QRICH1: variants seen among roughly 807,000 people sequenced by gnomAD.
QRICH1 encodes the protein glutamine rich 1.
QRICH1 carries 16 observed loss-of-function variants against 87.1 expected under a neutral mutation model. That is an observed-to-expected ratio of 0.18 (90% CI 0.12 to 0.28). The LOEUF is 0.28. Among genes scored for constraint, QRICH1 ranks in the 10% least tolerant of loss-of-function variants. The pLI, the probability that QRICH1 is intolerant of heterozygous loss-of-function variation, is 1.00. For missense variants in QRICH1, 647 were observed against 951.7 expected, an observed-to-expected ratio of 0.68 and a Z score of 4.21; for synonymous variants, 367 against 368.4, an observed-to-expected ratio of 1.00 and a Z score of 0.05.
chr3:49,064,129 C>A (rs1394283754), intron 2 of QRICH1, among the ~76,000 whole-genome samples: 1 of 151,674 alleles, frequency 6.6e-6, no homozygotes, highest in Non-Finnish European at 1.5e-5. Flanking sequence ...TGGAGTTTCT[C>A]CATGTTGGTC....
In QRICH1 at chr3:49,030,389, T is replaced by C. The variant is rs1442911252; in HGVS notation, c.*63A>G. 2 of 1,510,404 alleles carry C rather than the reference T, an allele frequency of 1.3e-6. No individual in the cohort carries two copies. The highest frequency in any genetic ancestry group is 1.4e-5 in the African/African-American group (1 of 71,260). The allele number at this position is 1,510,404 out of a possible 1,614,324, so 93.6% of individuals were successfully genotyped here. On this transcript the variant is annotated 3_prime_UTR_variant, in exon 10 of 10. Transcript: ENST00000395443. ...GAAAAAAAAAAATGGAGGCCTCTTC[T>C]TTAGTGTGAAAGTCTGTCTGGTTTT...
intron 2 of QRICH1, among the ~76,000 whole-genome samples, chr3:49,071,009 T>C (rs138698825): frequency 1.3e-5 from 2 of 151,962 alleles, no homozygotes; most frequent in African/African-American, 4.8e-5. Context: ...AGTTCAAGCA[T>C]TCATCAGTTT....
At chr3:49,083,080 C>T (rs2042094825) in intron 1 of QRICH1, among the ~76,000 whole-genome samples, 2 of 151,146 alleles carry the variant, frequency 1.3e-5, no homozygotes, top group African/African-American at 4.9e-5. Flanking sequence ...GTAGAGCATG[C>T]CTGTAATCCC....
intron 6 of QRICH1, among the ~76,000 whole-genome samples, chr3:49,034,028 G>A (rs989803204): frequency 6.7e-5 from 10 of 150,198 alleles, no homozygotes; most frequent in Middle Eastern, 3.2e-3. Context: ...CAAAAAAAAC[G>A]GCTATTGTCA....
chr3:49,051,582 G>GC (rs1491142511), intron 3 of QRICH1, among the ~76,000 whole-genome samples: 38 of 14,550 alleles, frequency 2.6e-3, no homozygotes, highest in African/African-American at 9.8e-3. Context: ...AACCCCCCCT[G>GC]CGCCCCCCCC....
chr3:49,047,044 C>A (rs747744164), intron 4 of QRICH1, 25 bp downstream of exon 4: 3 of 1,597,412 alleles, frequency 1.9e-6, no homozygotes, highest in Non-Finnish European at 2.6e-6. Context: ...TTAGACACAG[C>A]CCACTCTTCT....
At chr3:49,045,917 T>C (rs913339046) in intron 5 of QRICH1, among the ~76,000 whole-genome samples, 4 of 147,948 alleles carry the variant, frequency 2.7e-5, no homozygotes, top group Non-Finnish European at 4.5e-5. Flanking sequence ...TTTTCTTTTC[T>C]TTTTTTTTTA....
intron 5 of QRICH1, among the ~76,000 whole-genome samples, chr3:49,045,597 A>AC (rs1298947853): frequency 6.6e-6 from 1 of 150,392 alleles, no homozygotes; most frequent in Non-Finnish European, 1.5e-5. Context: ...CACCCAGCTA[A>AC]TTTTTTTTCT....
At chr3:49,043,353 A>C (rs956619031) in intron 6 of QRICH1, among the ~76,000 whole-genome samples, 1 of 151,324 alleles carries the variant, frequency 6.6e-6, no homozygotes, top group Admixed American at 6.6e-5. Flanking sequence ...AAAATTAGCC[A>C]GGCGTGGTGG....
chr3:49,062,038 T>C (rs1251006753), intron 2 of QRICH1, among the ~76,000 whole-genome samples: 1 of 151,986 alleles, frequency 6.6e-6, no homozygotes, highest in Non-Finnish European at 1.5e-5. Context: ...CTGGTGGGCA[T>C]GTTAAATTGG....
At chr3:49,086,618 T>A (rs1056960382) in intron 1 of QRICH1, among the ~76,000 whole-genome samples, 3 of 152,114 alleles carry the variant, frequency 2.0e-5, no homozygotes, top group Non-Finnish European at 4.4e-5. Context: ...ACATGAGTTA[T>A]TATTTTTATT....
chr3:49,031,782 A>G (rs965171798), intron 9 of QRICH1, among the ~76,000 whole-genome samples: 1 of 152,212 alleles, frequency 6.6e-6, no homozygotes, highest in African/African-American at 2.4e-5. Flanking sequence ...GTCTGCCATA[A>G]AAGAATTACT....
At chr3:49,059,474 C>A (rs2093422517) in intron 2 of QRICH1, among the ~76,000 whole-genome samples, 1 of 143,626 alleles carries the variant, frequency 7.0e-6, no homozygotes, top group South Asian at 2.3e-4. Context: ...GGCTGGAGTG[C>A]AGTAGTATGA....
Position 49,030,208 on chromosome 3 carries a change from T to C in QRICH1, c.*244A>G. 1 of 514,062 alleles carries C rather than the reference T, an allele frequency of 1.9e-6. No homozygotes were observed. The highest frequency in any genetic ancestry group is 3.4e-6 in the Non-Finnish European group (1 of 293,792). The allele number at this position is 514,062 out of a possible 1,614,324, so 31.8% of individuals were successfully genotyped here. On this transcript the variant is annotated 3_prime_UTR_variant, in exon 10 of 10. Transcript: ENST00000395443. ...AGACAAAAAAGAGTCAGCCAGCAAC[T>C]TTCTAGGACATATGACACTCAAGGA...
chr3:49,056,532 C>A (rs1357965404), intron 3 of QRICH1, among the ~76,000 whole-genome samples: 1 of 151,860 alleles, frequency 6.6e-6, no homozygotes, highest in African/African-American at 2.4e-5. Context: ...CACTGGGACA[C>A]ACTTGAGGTG....
intron 6 of QRICH1, among the ~76,000 whole-genome samples, chr3:49,036,401 G>C (rs2106825100): frequency 6.6e-6 from 1 of 152,260 alleles, no homozygotes; most frequent in South Asian, 2.1e-4. Context: ...ACTAGAACAA[G>C]AAATGTCCAA....
rs1301281111 is a variant in QRICH1 at position 49,047,250 on chromosome 3, T to C, written c.1339-4A>G. The C allele has an allele frequency of 6.2e-6, 10 of 1,602,408 alleles. No individual in the cohort carries two copies. The highest frequency in any genetic ancestry group is 1.1e-5 in the South Asian group (1 of 90,000). ...CAGCAACCTGGACAGTTTGAGCCTA[T>C]AGGAGAGAAACCATGAAAATGTGTC... On this transcript the variant is annotated splice_polypyrimidine_tract_variant and splice_region_variant and intron_variant, in intron 3 of 9. Transcript: ENST00000395443.
chr3:49,094,349 G>T (rs928327935), upstream of QRICH1: 1 of 282,942 alleles, frequency 3.5e-6, no homozygotes, highest in Non-Finnish European at 6.5e-6. Flanking sequence ...TCCGTCGCCC[G>T]CCAGAGCCTC....
intron 2 of QRICH1, among the ~76,000 whole-genome samples, chr3:49,059,423 ATT>A (rs751098592): frequency 1.4e-4 from 19 of 133,692 alleles, no homozygotes; most frequent in Admixed American, 1.5e-4. Flanking sequence ...CACCCAGCTA[ATT>A]TTTTTTTTTT....
Sources: allele counts gnomAD v4.1 joint callset (sites outside exome capture counted in the v4.1 genomes callset), GRCh38; gene constraint gnomAD v4.1.1; transcripts MANE v1.5; gene names NCBI Gene and HGNC (gene_info 2026-07-23, HGNC 2026-07-21).